The following KIF1A variants were observed in gnomAD, a reference collection of about 807,000 sequenced individuals.
The protein encoded by KIF1A is kinesin family member 1A.
A neutral mutation model predicts 227.3 loss-of-function variants in KIF1A; 46 were observed. The ratio of observed to expected loss-of-function variants is 0.20; its 90% confidence interval spans 0.16 to 0.26. KIF1A has a LOEUF of 0.26. KIF1A is among the 10% of genes least tolerant of loss of function. The pLI, the probability that KIF1A is intolerant of heterozygous loss-of-function variation, is 1.00. For synonymous variants in KIF1A, 1,022 were observed against 1,012.8 expected (o/e 1.01, Z -0.17); for missense variants, 1,683 against 2,485.9 (o/e 0.68, Z 6.87).
chr2:240,773,940 C>A (rs1198626107), intron 12 of KIF1A, among the ~76,000 whole-genome samples: 1 of 152,184 alleles, frequency 6.6e-6, no homozygotes, highest in East Asian at 1.9e-4. Flanking sequence ...AGTCTGGTGC[C>A]ACGGGGCCCT....
Position 240,740,508 on chromosome 2 carries a change from C to G in KIF1A, c.3750-144G>C. On this transcript the variant is annotated intron_variant, in intron 35 of 48. Transcript: ENST00000498729. This position sits in a 1 kb window ranked among gnomAD's most constrained non-coding sequence, Gnocchi z 6.1. The stretch of plus-strand genomic sequence containing the variant: ...GATCAGGTGGTCTGATCCATGGAGA[C>G]CACGGTCAGCTGAGCACAGAAACCC... 1.5e-6 allele frequency: 1 copy of G among 686,624 alleles called. No individual in the cohort carries two copies. The highest frequency in any genetic ancestry group is 2.6e-6 in the Non-Finnish European group (1 of 388,990). 42.5% of individuals were successfully genotyped at this position (686,624 alleles called of 1,614,324 possible).
Position 240,770,291 on chromosome 2 carries a change from G to A in KIF1A, c.1342-585C>T, listed in dbSNP as rs1043948206. 3.9e-5 allele frequency among the ~76,000 whole-genome samples: 6 copies of A among 152,190 alleles called. No homozygotes were observed. In the East Asian group the frequency reaches 5.8e-4, roughly 15 times the overall value. ...GTGTCTAGAAACCTAAAATGATCCC[G>A]GCCCATTGCTGGGCACCAGGGAGCA... On this transcript the variant is annotated intron_variant, in intron 15 of 48. Coordinates refer to ENST00000498729, the MANE Select transcript of KIF1A (RefSeq NM_001244008.2).
intron 38 of KIF1A, among the ~76,000 whole-genome samples, chr2:240,731,086 G>T (rs1024480267): frequency 2.0e-5 from 3 of 151,666 alleles, no homozygotes; most frequent in Non-Finnish European, 4.4e-5. Context: ...CTCGAAACCT[G>T]GCCTGAGGGC....
At chr2:240,762,262 C>T (rs1279064764) in intron 23 of KIF1A, among the ~76,000 whole-genome samples, 1 of 152,224 alleles carries the variant, frequency 6.6e-6, no homozygotes, top group South Asian at 2.1e-4. Flanking sequence ...GGTTGGCCCC[C>T]GGAGCACATG....
chr2:240,775,940 A>G lies in KIF1A; in HGVS notation c.883-14T>C. ...CTTTTTCTTGTTCTGTGGGGGAGGA[A>G]CATTCAAGGTCAAGCCCGAGCCCAC... On this transcript the variant is annotated splice_polypyrimidine_tract_variant and intron_variant, in intron 10 of 48. Transcript: ENST00000498729. This position sits in a 1 kb window ranked among gnomAD's most constrained non-coding sequence, Gnocchi z 5.5. 1 of 1,581,048 alleles carries G rather than the reference A, an allele frequency of 6.3e-7. No homozygotes were observed. The highest frequency in any genetic ancestry group is 8.7e-7 in the Non-Finnish European group (1 of 1,149,892).
At chr2:240,791,449 G>A (rs1287765874) in intron 2 of KIF1A, among the ~76,000 whole-genome samples, 1 of 34,170 alleles carries the variant, frequency 2.9e-5, no homozygotes. Flanking sequence ...CCACCCCCTC[G>A]CCTCACCCGG....
intron 1 of KIF1A, among the ~76,000 whole-genome samples, chr2:240,815,576 C>A (rs1559551871): frequency 6.6e-6 from 1 of 152,216 alleles, no homozygotes; most frequent in South Asian, 2.1e-4. Context: ...AAAGCTCAAC[C>A]TGGACTCTAC....
At chr2:240,812,918 G>A (rs1575677797) in intron 1 of KIF1A, among the ~76,000 whole-genome samples, 5 of 146,666 alleles carry the variant, frequency 3.4e-5, no homozygotes, top group South Asian at 2.2e-4. Flanking sequence ...CTTCACCTCG[G>A]GGATCAGCCT....
intron 20 of KIF1A, among the ~76,000 whole-genome samples, chr2:240,764,191 C>T (rs1190517924): frequency 2.0e-5 from 3 of 152,208 alleles, no homozygotes; most frequent in Non-Finnish European, 4.4e-5. Flanking sequence ...CCCCTCAGCA[C>T]CTCCTTGCTG....
intron 1 of KIF1A, among the ~76,000 whole-genome samples, chr2:240,814,796 A>G (rs527454595): frequency 6.6e-6 from 1 of 152,302 alleles, no homozygotes; most frequent in South Asian, 2.1e-4. Flanking sequence ...ACATGCCCAT[A>G]GTCCCAGCTA....
At chr2:240,786,757 A>ATCAGGACCCCTGAGTGAGG (rs1559529963) in intron 5 of KIF1A, among the ~76,000 whole-genome samples, 29 of 20,166 alleles carry the variant, frequency 1.4e-3, no homozygotes, top group Middle Eastern at 0.022. Flanking sequence ...CCTGAGTGAG[A>ATCAGGACCCCTGAGTGAGG]GGGTAGGGGC....
chr2:240,796,330 C>A (rs1177564246), intron 2 of KIF1A, among the ~76,000 whole-genome samples: 1 of 152,234 alleles, frequency 6.6e-6, no homozygotes, highest in Non-Finnish European at 1.5e-5. Context: ...TCAGCTAATG[C>A]AGCGAGCGTT....
Position 240,725,902 on chromosome 2 carries a change from A to G in KIF1A, c.4123-498T>C, listed in dbSNP as rs565483731. ...CTGCTGTGCATGGCTGAAGAGTCCC[A>G]AGCACTCGCTGGGAAGAGCTCTGCC... is the stretch of plus-strand genomic sequence containing the variant. On this transcript the variant is annotated intron_variant, in intron 39 of 48. Transcript: ENST00000498729. This position sits in a 1 kb window ranked among gnomAD's most constrained non-coding sequence, Gnocchi z 5.8. The G allele has an allele frequency of 2.9e-3, 453 of 153,564 alleles. 1 individual carries two copies. Among genetic ancestry groups the G allele is most frequent in the African/African-American group, 0.011 (439 of 41,582 alleles). The allele number at this position is 153,564 out of a possible 1,614,324, so 9.5% of individuals were successfully genotyped here. A position where few individuals can be genotyped will look rare whatever the true frequency, so the allele number is the denominator to read the frequency against.
chr2:240,722,362 A>G, intron 43 of KIF1A, 94 bp downstream of exon 43: 2 of 1,255,124 alleles, frequency 1.6e-6, no homozygotes, highest in Non-Finnish European at 2.2e-6. Flanking sequence ...CAGAGCAGCC[A>G]TGGGCAAGGC....
At chr2:240,805,399 A>G (rs963737408) in intron 1 of KIF1A, among the ~76,000 whole-genome samples, 1 of 152,258 alleles carries the variant, frequency 6.6e-6, no homozygotes, top group Non-Finnish European at 1.5e-5. Context: ...CTAATCAGCA[A>G]ATTAAATGGA....
At chr2:240,773,348 CT>C in intron 12 of KIF1A, 92 bp from the exon 13 acceptor site, 1 of 1,511,038 alleles carries the variant, frequency 6.6e-7, no homozygotes, top group Non-Finnish European at 9.0e-7. Context: ...AAGACCCAGC[CT>C]TTTGGGCTCA....
In KIF1A at chr2:240,789,346, C is replaced by T. The variant is rs948828015; in HGVS notation, c.107-34G>A. 1 of 1,556,120 alleles carries T rather than the reference C, an allele frequency of 6.4e-7. No individual in the cohort carries two copies. Among genetic ancestry groups the T allele is most frequent in the Non-Finnish European group, 8.9e-7 (1 of 1,127,884 alleles). On this transcript the variant is annotated intron_variant, in intron 2 of 48. Transcript: ENST00000498729. The surrounding 1 kb of genome is among the most constrained non-coding windows in gnomAD (Gnocchi z 4.8). ...GGGAACACAGGTGGTTAGCGCTGTG[C>T]TGGGAGGGCCCCTGACTAGCTGGCA...
intron 10 of KIF1A, among the ~76,000 whole-genome samples, chr2:240,776,473 A>G (rs2052738052): frequency 6.6e-6 from 1 of 152,132 alleles, no homozygotes; most frequent in Non-Finnish European, 1.5e-5. Flanking sequence ...AAGCCAGCTC[A>G]CAAGCTTTCC....
intron 17 of KIF1A, among the ~76,000 whole-genome samples, chr2:240,768,883 A>G (rs1393781601): frequency 1.3e-5 from 2 of 151,458 alleles, no homozygotes; most frequent in Non-Finnish European, 2.9e-5. Flanking sequence ...CCCAGTCCAC[A>G]CTCCAGGCCA....
Sources: gnomAD v4.1 joint callset for allele counts (sites outside exome capture counted in the v4.1 genomes callset) on GRCh38, gnomAD v4.1.1 for gene constraint, Gnocchi (gnomAD v3.1) non-coding constraint, MANE v1.5 for transcripts, NCBI Gene and HGNC (gene_info 2026-07-23, HGNC 2026-07-21) for gene names.